CHSY3: variants seen among roughly 807,000 people sequenced by gnomAD.
CHSY3 encodes the protein chondroitin sulfate synthase 3.
In CHSY3, 35 loss-of-function variants were observed where a neutral mutation model predicts 67.2. The ratio of observed to expected loss-of-function variants is 0.52; its 90% confidence interval spans 0.40 to 0.69. CHSY3 has a LOEUF of 0.69. Ranked by LOEUF, CHSY3 falls within the 30% of genes least tolerant of loss-of-function variation. The pLI, the probability that CHSY3 is intolerant of heterozygous loss-of-function variation, is 0.00. For missense variants in CHSY3, 1,069 were observed against 1,138.5 expected (o/e 0.94, Z 0.88); for synonymous variants, 474 against 434.7 (o/e 1.09, Z -1.12).
At chr5:129,969,778 A>G (rs941616192) in intron 2 of CHSY3, among the ~76,000 whole-genome samples, 4 of 151,898 alleles carry the variant, frequency 2.6e-5, no homozygotes, top group Non-Finnish European at 2.9e-5. Context: ...CATTTCTACA[A>G]TAATTGAAGG....
chr5:130,048,854 T>G (rs1561512832), intron 2 of CHSY3, among the ~76,000 whole-genome samples: 2 of 151,928 alleles, frequency 1.3e-5, no homozygotes, highest in African/African-American at 4.8e-5. Flanking sequence ...GGGGAGATGG[T>G]GGTCAAATAA....
chr5:130,092,668 T>G (rs1429919458), intron 2 of CHSY3, among the ~76,000 whole-genome samples: 2 of 152,182 alleles, frequency 1.3e-5, no homozygotes, highest in Non-Finnish European at 2.9e-5. Context: ...GGGTTTGGTA[T>G]AGGTCCTGCT....
At chr5:130,098,919 T>G (rs561476954) in intron 2 of CHSY3, among the ~76,000 whole-genome samples, 1 of 152,218 alleles carries the variant, frequency 6.6e-6, no homozygotes, top group African/African-American at 2.4e-5. Flanking sequence ...TTTTTAACTG[T>G]GTTAGAATTT....
At chr5:130,182,801 T>G (rs1351911453) in intron 2 of CHSY3, among the ~76,000 whole-genome samples, 1 of 152,042 alleles carries the variant, frequency 6.6e-6, no homozygotes, top group African/African-American at 2.4e-5. Context: ...CTAATTTTTT[T>G]CAAGTCTCTT....
chr5:130,128,913 T>C (rs371150318), intron 2 of CHSY3, among the ~76,000 whole-genome samples: 10 of 152,078 alleles, frequency 6.6e-5, no homozygotes, highest in African/African-American at 2.4e-4. Flanking sequence ...GGCATGTGTA[T>C]GTTGACAAAA....
intron 2 of CHSY3, among the ~76,000 whole-genome samples, chr5:130,086,181 C>T (rs1470835039): frequency 6.6e-5 from 10 of 152,098 alleles, no homozygotes; most frequent in African/African-American, 2.2e-4. Context: ...CTTTCTGTCT[C>T]GTTGATCTGT....
At chr5:130,110,600 T>C (rs748573109) in intron 2 of CHSY3, among the ~76,000 whole-genome samples, 4 of 152,018 alleles carry the variant, frequency 2.6e-5, no homozygotes, top group Non-Finnish European at 4.4e-5. Flanking sequence ...CTTAGGGAGA[T>C]AATCTTCATA....
Position 129,905,116 on chromosome 5 carries a change from C to G in CHSY3, c.287C>G (p.Thr96Ser). The change falls in exon 1 of 3, where the codon ACC becomes AGC. Residue 96 changes from threonine to serine, a missense_variant. Thr to Ser is a moderately conservative substitution (Grantham distance 58, BLOSUM62 1). Coordinates refer to ENST00000305031, the MANE Select transcript of CHSY3 (RefSeq NM_175856.5). ...CTGCCCGAGGCAGCACCCGGGATCA[C>G]CAGTTTTCGAAGCAGCCCCTGGCAG... ...PPLPEAAPGI[T>S]SFRSSPWQQP... 6.5e-7 allele frequency: 1 copy of G among 1,539,306 alleles called. No individual in the cohort carries two copies. The highest frequency in any genetic ancestry group is 8.7e-7 in the Non-Finnish European group (1 of 1,148,706).
intron 2 of CHSY3, among the ~76,000 whole-genome samples, chr5:130,001,238 C>G (rs909022476): frequency 1.3e-5 from 2 of 152,106 alleles, no homozygotes; most frequent in Non-Finnish European, 2.9e-5. Context: ...CCTCTCAGTG[C>G]TCAGGTTACC....
rs1254779148 is a variant in CHSY3 at position 130,084,201 on chromosome 5, A to G, written c.1087-100028A>G. 3.3e-5 allele frequency among the ~76,000 whole-genome samples: 5 copies of G among 151,952 alleles called. No individual in the cohort carries two copies. In the East Asian group the frequency reaches 9.7e-4, roughly 29 times the overall value. ...TATCATTATATTTCAAATATCTGAA[A>G]TTGCTAAAAATCTGCTGTCTTCAAC... is the stretch of plus-strand genomic sequence containing the variant. On this transcript the variant is annotated intron_variant, in intron 2 of 2. Transcript: ENST00000305031.
At chr5:130,086,983 A>ACC (rs1766658383) in intron 2 of CHSY3, among the ~76,000 whole-genome samples, 1 of 152,112 alleles carries the variant, frequency 6.6e-6, no homozygotes, top group Non-Finnish European at 1.5e-5. Context: ...ATACTGGCAA[A>ACC]CCGAATCCAG....
chr5:130,087,981 T>C (rs1339114644), intron 2 of CHSY3, among the ~76,000 whole-genome samples: 4 of 152,098 alleles, frequency 2.6e-5, no homozygotes, highest in African/African-American at 4.8e-5. Context: ...TACAAGGCTA[T>C]GGTAACCAAA....
At chr5:130,016,911 C>A (rs1764234588) in intron 2 of CHSY3, among the ~76,000 whole-genome samples, 1 of 152,026 alleles carries the variant, frequency 6.6e-6, no homozygotes, top group Non-Finnish European at 1.5e-5. Flanking sequence ...GAAGGTACTG[C>A]TAGAGAGAGG....
intron 2 of CHSY3, among the ~76,000 whole-genome samples, chr5:130,065,657 A>G (rs1454177254): frequency 6.6e-6 from 1 of 152,144 alleles, no homozygotes; most frequent in Non-Finnish European, 1.5e-5. Flanking sequence ...GGTTAAGTGT[A>G]AAATATCTAA....
chr5:129,970,694 T>C (rs1762617716), intron 2 of CHSY3, among the ~76,000 whole-genome samples: 2 of 151,856 alleles, frequency 1.3e-5, no homozygotes, highest in African/African-American at 4.8e-5. Context: ...GCAATTTTCT[T>C]TGTATAACTG....
intron 2 of CHSY3, among the ~76,000 whole-genome samples, chr5:130,078,775 C>T (rs1766353462): frequency 6.6e-6 from 1 of 152,126 alleles, no homozygotes; most frequent in Non-Finnish European, 1.5e-5. Flanking sequence ...CTTGAACCTT[C>T]AGTGATGCTC....
At chr5:130,098,687 A>G (rs1767130023) in intron 2 of CHSY3, among the ~76,000 whole-genome samples, 1 of 152,248 alleles carries the variant, frequency 6.6e-6, no homozygotes, top group Admixed American at 6.5e-5. Context: ...GGCAAGTGAT[A>G]TCTATAGACC....
At chr5:129,935,607 G>T (rs1041218963) in intron 2 of CHSY3, among the ~76,000 whole-genome samples, 2 of 152,172 alleles carry the variant, frequency 1.3e-5, no homozygotes, top group Non-Finnish European at 2.9e-5. Flanking sequence ...GAACAAAAAG[G>T]AAGAATAGAT....
intron 2 of CHSY3, among the ~76,000 whole-genome samples, chr5:129,992,888 G>T (rs1192561973): frequency 6.6e-6 from 1 of 152,134 alleles, no homozygotes; most frequent in Admixed American, 6.6e-5. Context: ...AGTAGTTTTT[G>T]ATTGAAATTC....
Sources: gnomAD v4.1 joint callset for allele counts (sites outside exome capture counted in the v4.1 genomes callset) on GRCh38, gnomAD v4.1.1 for gene constraint, MANE v1.5 for transcripts, NCBI Gene and HGNC (gene_info 2026-07-23, HGNC 2026-07-21) for gene names.